The following AGAP5 variants were observed in gnomAD, a reference collection of about 807,000 sequenced individuals.
The protein encoded by AGAP5 is ArfGAP with GTPase domain, ankyrin repeat and PH domain 5, also known as arf-GAP with GTPase, ANK repeat and PH domain-containing protein 5.
AGAP5 carries 8 observed loss-of-function variants against 27.7 expected under a neutral mutation model. The ratio of observed to expected loss-of-function variants is 0.29; its 90% CI spans 0.17 to 0.52. The LOEUF is 0.52. AGAP5 is among the 20% of genes least tolerant of loss of function. The pLI, the probability that AGAP5 is intolerant of heterozygous loss-of-function variation, is 0.97. For missense variants in AGAP5, 285 were observed against 880.8 expected (o/e 0.32, Z 8.56); for synonymous variants, 111 against 338.0 (o/e 0.33, Z 7.37).
At chr10:73,690,410 G>T (rs946938120) in intron 4 of AGAP5, among the ~76,000 whole-genome samples, 1 of 152,102 alleles carries the variant, frequency 6.6e-6, no homozygotes, top group African/African-American at 2.4e-5. Flanking sequence ...CTTGAAGGCA[G>T]CATGCTCCTT....
intron 4 of AGAP5, among the ~76,000 whole-genome samples, chr10:73,688,053 A>G (rs1441312360): frequency 6.6e-6 from 1 of 152,094 alleles, no homozygotes; most frequent in East Asian, 1.9e-4. Context: ...ATCTCTAACT[A>G]GAGCCTCAAG....
intron 4 of AGAP5, among the ~76,000 whole-genome samples, chr10:73,689,320 G>C (rs1176183943): frequency 1.3e-5 from 2 of 152,226 alleles, no homozygotes; most frequent in African/African-American, 2.4e-5. Flanking sequence ...GTGCAGTGGC[G>C]TGATCTCGGC....
At chr10:73,688,125 G>C (rs1298402005) in intron 4 of AGAP5, among the ~76,000 whole-genome samples, 1 of 152,158 alleles carries the variant, frequency 6.6e-6, no homozygotes, top group East Asian at 1.9e-4. Flanking sequence ...TATCAAACCT[G>C]AGAATTTCTG....
intron 3 of AGAP5, among the ~76,000 whole-genome samples, chr10:73,693,748 T>A (rs147362025): frequency 0.01 from 1,524 of 150,276 alleles, 20 homozygotes; most frequent in African/African-American, 0.035. Context: ...CCCTCTCTCC[T>A]CCCTCTTTCA....
In AGAP5 at chr10:73,697,737, AG is replaced by A; in HGVS notation, c.18del (p.Cys7ValfsTer48). 1 of 1,597,742 alleles carries A rather than the reference AG, an allele frequency of 6.3e-7. No homozygotes were observed. Among genetic ancestry groups the A allele is most frequent in the Middle Eastern group, 2.2e-4 (1 of 4,524 alleles). On this transcript the variant is annotated frameshift_variant, in exon 1 of 8. Coordinates refer to ENST00000374094, the MANE Select transcript of AGAP5 (RefSeq NM_001144000.4). LOFTEE classifies it high-confidence loss of function. The stretch of plus-strand genomic sequence containing the variant: ...AGGCTGACGCTAGGGTGCACACAAC[AG>A]GTCAGTATGTTCCCCATGGGGCGCC... The part of the protein sequence containing the change: MGNIL[T>X]CCVHPSVSLE...
chr10:73,693,410 G>T (rs1385088133), intron 3 of AGAP5, among the ~76,000 whole-genome samples: 4 of 152,086 alleles, frequency 2.6e-5, no homozygotes, highest in Non-Finnish European at 5.9e-5. Context: ...AAAAGACTGT[G>T]GTACTGGCCA....
intron 4 of AGAP5, among the ~76,000 whole-genome samples, chr10:73,687,922 G>A (rs1392493647): frequency 6.6e-6 from 1 of 152,122 alleles, no homozygotes; most frequent in Non-Finnish European, 1.5e-5. Flanking sequence ...GAAAGTGACT[G>A]GAACAGAAGC....
At chr10:73,693,646 C>A (rs2082137228) in intron 3 of AGAP5, among the ~76,000 whole-genome samples, 1 of 151,316 alleles carries the variant, frequency 6.6e-6, no homozygotes, top group Non-Finnish European at 1.5e-5. Context: ...TTGTAGTGAG[C>A]CAAGATCATG....
rs1428440939 is a variant in AGAP5 at position 73,696,016 on chromosome 10, C to CT, written c.292+1078dup. ...GACTAAAAAACTCCAACTTTCTTTC[C>CT]TTTTTTTTTTTTGTGAGACGGAGTC... On this transcript the variant is annotated intron_variant, in intron 2 of 7. Coordinates refer to ENST00000374094, the MANE Select transcript of AGAP5 (RefSeq NM_001144000.4). Among the ~76,000 whole-genome samples, 201 of 146,810 alleles carry CT rather than the reference C, an allele frequency of 1.4e-3. 1 individual carries two copies. The highest frequency in any genetic ancestry group is 2.4e-3 in the African/African-American group (97 of 40,288).
intron 3 of AGAP5, among the ~76,000 whole-genome samples, chr10:73,693,638 G>T (rs1326765167): frequency 6.6e-6 from 1 of 150,978 alleles, no homozygotes; most frequent in Non-Finnish European, 1.5e-5. Flanking sequence ...GATGGAGGTT[G>T]TAGTGAGCCA....
chr10:73,694,015 A>G (rs2132461182), intron 3 of AGAP5, among the ~76,000 whole-genome samples: 1 of 152,068 alleles, frequency 6.6e-6, no homozygotes, highest in Middle Eastern at 3.4e-3. Flanking sequence ...AAGGTTACAA[A>G]CTCCCGTGTT....
intron 4 of AGAP5, among the ~76,000 whole-genome samples, chr10:73,688,476 G>A (rs2082082776): frequency 6.6e-6 from 1 of 151,260 alleles, no homozygotes; most frequent in Non-Finnish European, 1.5e-5. Context: ...ATAGAAAAAA[G>A]GAATTGATAG....
At chr10:73,688,744 T>C (rs1241536186) in intron 4 of AGAP5, among the ~76,000 whole-genome samples, 1 of 151,962 alleles carries the variant, frequency 6.6e-6, no homozygotes, top group Non-Finnish European at 1.5e-5. Flanking sequence ...CAAGAAGAGA[T>C]AGTCTGCAGG....
At chr10:73,677,907 A>G (rs917869094) in intron 6 of AGAP5, among the ~76,000 whole-genome samples, 4 of 152,214 alleles carry the variant, frequency 2.6e-5, no homozygotes, top group African/African-American at 9.7e-5. Context: ...TAAAAAACAT[A>G]GCCTGAATTT....
At chr10:73,691,952 C>G (rs1347385329) in intron 4 of AGAP5, 91 bp downstream of exon 4, 2 of 1,156,588 alleles carry the variant, frequency 1.7e-6, no homozygotes, top group Non-Finnish European at 2.3e-6. Context: ...ATGCTACCAC[C>G]ACCAGGTCCA....
At position 73,697,967 on chromosome 10, in the gene AGAP5, C is replaced by T. The variant is rs1343701373; in HGVS notation, c.-212G>A. The T allele has an allele frequency of 2.7e-6, 4 of 1,496,890 alleles. No homozygotes were observed. The highest frequency in any genetic ancestry group is 4.9e-5 in the East Asian group (2 of 40,512). 92.7% of individuals were successfully genotyped at this position (1,496,890 alleles called of 1,614,324 possible). A position where few individuals can be genotyped will look rare whatever the true frequency, so the allele number is the denominator to read the frequency against. Reference sequence around the variant, plus strand: ...GGTCAAGGCCCACACCCTGCTGCCTCCCCTGAGTTGACTTGTCTGGGAGGG... The same window carrying T: ...GGTCAAGGCCCACACCCTGCTGCCTTCCCTGAGTTGACTTGTCTGGGAGGG... On this transcript the variant is annotated 5_prime_UTR_variant, in exon 1 of 8. Transcript: ENST00000374094.
intron 7 of AGAP5, among the ~76,000 whole-genome samples, chr10:73,676,510 T>C (rs2081981664): frequency 6.7e-6 from 1 of 148,758 alleles, no homozygotes; most frequent in African/African-American, 2.5e-5. Flanking sequence ...ACATTTTCTG[T>C]TGTTTGGATA....
chr10:73,686,266 A>C lies in AGAP5; in HGVS notation c.397-3472T>G, dbSNP rs552882946. Among the ~76,000 whole-genome samples the C allele has an allele frequency of 6.3e-3, 953 of 152,354 alleles. 8 individuals carry two copies. Among genetic ancestry groups the C allele is most frequent in the Non-Finnish European group, 0.011 (742 of 68,032 alleles). On this transcript the variant is annotated intron_variant, in intron 4 of 7. Coordinates refer to ENST00000374094, the MANE Select transcript of AGAP5 (RefSeq NM_001144000.4). ...AAATAAACTCAAATACCTATAGCCAACTGATTTTCAACAAAGCCACCTAAA... is the reference window on the plus strand; with the variant it reads ...AAATAAACTCAAATACCTATAGCCACCTGATTTTCAACAAAGCCACCTAAA...
intron 2 of AGAP5, among the ~76,000 whole-genome samples, chr10:73,695,094 A>G (rs1461413394): frequency 1.3e-5 from 2 of 152,094 alleles, no homozygotes; most frequent in African/African-American, 2.4e-5. Context: ...AAAAAAAATG[A>G]AGAGGTAAAT....
Sources: gnomAD v4.1 joint callset for allele counts (sites outside exome capture counted in the v4.1 genomes callset) on GRCh38, gnomAD v4.1.1 for gene constraint, MANE v1.5 for transcripts, NCBI Gene and HGNC (gene_info 2026-07-23, HGNC 2026-07-21) for gene names.